ANO3: variants seen among roughly 807,000 people sequenced by gnomAD.
ANO3 encodes the protein anoctamin-3.
ANO3 carries 99 observed loss-of-function variants against 144.8 expected under a neutral mutation model. The ratio of observed to expected loss-of-function variants is 0.68; its 90% CI spans 0.58 to 0.81. The LOEUF (loss-of-function observed/expected upper bound fraction) is 0.81. Among genes scored for constraint, ANO3 ranks in the 30% least tolerant of loss-of-function variants. ANO3 has a pLI of 0.00. For missense variants in ANO3, 905 were observed against 1,202.2 expected, an observed-to-expected ratio of 0.75 and a Z score of 3.66; for synonymous variants, 414 against 392.6, an observed-to-expected ratio of 1.05 and a Z score of -0.64.
At chr11:26,493,668 T>C (rs1043409524) in intron 4 of ANO3, among the ~76,000 whole-genome samples, 10 of 152,218 alleles carry the variant, frequency 6.6e-5, no homozygotes, top group African/African-American at 2.4e-4. Context: ...TCTTACATGC[T>C]AGGAATGTCA....
chr11:26,574,954 C>A (rs1034797583), intron 14 of ANO3, among the ~76,000 whole-genome samples: 1 of 151,928 alleles, frequency 6.6e-6, no homozygotes, highest in Non-Finnish European at 1.5e-5. Context: ...AGTTGTAAAC[C>A]TGGTCAATCA....
At chr11:26,217,179 G>A (rs1444440260) in intron 1 of ANO3, among the ~76,000 whole-genome samples, 1 of 151,822 alleles carries the variant, frequency 6.6e-6, no homozygotes, top group East Asian at 1.9e-4. Context: ...TTGTCTAGAA[G>A]GTTTATAGTT....
chr11:26,244,694 T>C (rs951196380), intron 1 of ANO3, among the ~76,000 whole-genome samples: 3 of 152,202 alleles, frequency 2.0e-5, no homozygotes, highest in African/African-American at 4.8e-5. Context: ...GTTCTTTTTT[T>C]ATTTTGATGA....
At chr11:26,393,835 A>G (rs781010537) in intron 1 of ANO3, among the ~76,000 whole-genome samples, 159 of 152,314 alleles carry the variant, frequency 1.0e-3, no homozygotes, top group Non-Finnish European at 2.0e-3. Flanking sequence ...GTTGATGCAC[A>G]TACTGCTAAA....
intron 14 of ANO3, among the ~76,000 whole-genome samples, chr11:26,577,158 T>C (rs73434317): frequency 0.032 from 4,815 of 152,236 alleles, 210 homozygotes; most frequent in East Asian, 0.22. Context: ...TGTAAGAATG[T>C]AGAGGATATG....
intron 4 of ANO3, among the ~76,000 whole-genome samples, chr11:26,499,681 C>T (rs1311727426): frequency 1.3e-5 from 2 of 151,484 alleles, no homozygotes; most frequent in Non-Finnish European, 3.0e-5. Flanking sequence ...GCATGAATAC[C>T]ATATGTCCTG....
At chr11:26,443,874 C>G in intron 3 of ANO3, 38 bp downstream of exon 3, 2 of 1,385,964 alleles carry the variant, frequency 1.4e-6, no homozygotes, top group Admixed American at 1.9e-5. Context: ...TCCTTTCCCT[C>G]TCTCCAAAGG....
At chr11:26,412,257 G>T (rs6484209) in intron 1 of ANO3, among the ~76,000 whole-genome samples, 149,031 of 152,056 alleles carry the variant, frequency 0.98, 73,104 homozygotes, top group Middle Eastern at 1. Context: ...TAGATGGGGA[G>T]AAAAATAGAT....
At chr11:26,423,327 T>TTTTTAA (rs1857811595) in intron 1 of ANO3, among the ~76,000 whole-genome samples, 2 of 146,608 alleles carry the variant, frequency 1.4e-5, no homozygotes, top group South Asian at 2.1e-4. Context: ...TTTTTTTTTT[T>TTTTTAA]AACAATTTGT....
At chr11:26,336,028 T>TCATC (rs1855184749) in intron 1 of ANO3, among the ~76,000 whole-genome samples, 2 of 152,004 alleles carry the variant, frequency 1.3e-5, no homozygotes, top group African/African-American at 2.4e-5. Flanking sequence ...GTCCCAAGGG[T>TCATC]AAATTGGAGT....
intron 12 of ANO3, among the ~76,000 whole-genome samples, chr11:26,552,393 C>G (rs1161084078): frequency 6.6e-6 from 1 of 151,982 alleles, no homozygotes; most frequent in Non-Finnish European, 1.5e-5. Flanking sequence ...GTATTAAGAG[C>G]TGAATCCAGA....
chr11:26,199,068 T>C (rs550761726), intron 1 of ANO3, among the ~76,000 whole-genome samples: 1 of 152,210 alleles, frequency 6.6e-6, no homozygotes, highest in African/African-American at 2.4e-5. Context: ...GTAGCCTTGA[T>C]AGTTATCTTA....
chr11:26,232,925 T>G (rs3108825), intron 1 of ANO3, among the ~76,000 whole-genome samples: 135,418 of 152,172 alleles, frequency 0.89, 61,231 homozygotes, highest in East Asian at 0.99. Context: ...GGAACTTAAA[T>G]AAATTTACCA....
chr11:26,459,643 A>C (rs1859306987), intron 3 of ANO3, among the ~76,000 whole-genome samples: 2 of 152,002 alleles, frequency 1.3e-5, no homozygotes, highest in East Asian at 1.9e-4. Flanking sequence ...CAGGCTCACA[A>C]AAAATACCTT....
At chr11:26,352,364 A>G (rs1337532487) in intron 1 of ANO3, among the ~76,000 whole-genome samples, 3 of 152,168 alleles carry the variant, frequency 2.0e-5, no homozygotes, top group African/African-American at 2.4e-5. Flanking sequence ...GATCCTGTCT[A>G]TATTTTATTT....
chr11:26,273,632 GCACACA>G (rs3220654), intron 1 of ANO3, among the ~76,000 whole-genome samples: 2,468 of 140,216 alleles, frequency 0.018, 30 homozygotes, highest in African/African-American at 0.036. Context: ...TGTGGATATG[GCACACA>G]CACACACACA....
intron 24 of ANO3, among the ~76,000 whole-genome samples, chr11:26,649,751 T>C (rs1171506882): frequency 6.9e-6 from 1 of 144,696 alleles, no homozygotes; most frequent in Non-Finnish European, 1.5e-5. Context: ...AAAAAATATA[T>C]ATTCATAGCC....
chr11:26,341,394 G>A (rs948352974), intron 1 of ANO3, among the ~76,000 whole-genome samples: 2 of 152,142 alleles, frequency 1.3e-5, no homozygotes, highest in East Asian at 3.9e-4. Context: ...TCTTAAGATT[G>A]TTACACAGTA....
intron 1 of ANO3, among the ~76,000 whole-genome samples, chr11:26,342,665 T>G (rs1366572114): frequency 1.3e-5 from 2 of 152,148 alleles, no homozygotes; most frequent in Admixed American, 6.5e-5. Flanking sequence ...CTAAGACAAC[T>G]TTGTAACTAA....
Sources: allele counts gnomAD v4.1 joint callset (sites outside exome capture counted in the v4.1 genomes callset), GRCh38; gene constraint gnomAD v4.1.1; transcripts MANE v1.5; gene names NCBI Gene and HGNC (gene_info 2026-07-23, HGNC 2026-07-21).